Variants in FCHO2 observed in about 807,000 individuals in gnomAD.
FCHO2 encodes FCH and mu domain containing endocytic adaptor 2.
FCHO2 carries 43 observed loss-of-function variants against 114.1 expected under a neutral mutation model. That is an observed-to-expected ratio of 0.38 (90% confidence interval 0.30 to 0.49). The LOEUF is 0.49. FCHO2 is among the 20% of genes least tolerant of loss of function. FCHO2 has a pLI of 0.97. For synonymous variants in FCHO2, 293 were observed against 315.2 expected (o/e 0.93, Z 0.75); for missense variants, 807 against 950.4 (o/e 0.85, Z 1.98).
chr5:73,021,060 C>G, intron 8 of FCHO2: 1 of 934,730 alleles, frequency 1.1e-6, no homozygotes, highest in Non-Finnish European at 1.8e-6. Context: ...TTACCTGGTC[C>G]TCTCCCTCTG....
intron 5 of FCHO2, chr5:72,997,205 A>G: frequency 3.5e-6 from 4 of 1,135,010 alleles, no homozygotes; most frequent in Middle Eastern, 2.4e-4. Flanking sequence ...CAAGGTGGTA[A>G]TAGACAAACA....
At chr5:72,968,426 T>G in intron 1 of FCHO2, 72 bp from the exon 2 acceptor site, 1 of 1,055,482 alleles carries the variant, frequency 9.5e-7, no homozygotes, top group Non-Finnish European at 1.3e-6. Context: ...TATTAGTTAA[T>G]GTTGGCTTTT....
At chr5:72,998,784 A>G (rs1041943286) in intron 5 of FCHO2, among the ~76,000 whole-genome samples, 2 of 151,610 alleles carry the variant, frequency 1.3e-5, no homozygotes, top group African/African-American at 4.8e-5. Context: ...CATGTAAACC[A>G]AAACAAGTTT....
chr5:73,037,322 A>G lies in FCHO2; in HGVS notation c.914+107A>G, dbSNP rs147499426. The stretch of plus-strand genomic sequence containing the variant: ...AGTATTTTGGAAATAACTCAAAAGT[A>G]TATGTGTAAGGTGTGAAAAACAAGC... On this transcript the variant is annotated intron_variant, in intron 10 of 25. Coordinates refer to ENST00000430046, the MANE Select transcript of FCHO2 (RefSeq NM_138782.3). 9.1e-4 allele frequency: 633 copies of G among 693,660 alleles called. 7 individuals are homozygous for G. The African/African-American group carries it at 9.9e-3, about 11-fold the overall frequency. The allele number at this position is 693,660 out of a possible 1,614,324, so 43.0% of individuals were successfully genotyped here. A position where few individuals can be genotyped will look rare whatever the true frequency, so the allele number is the denominator to read the frequency against.
intron 2 of FCHO2, among the ~76,000 whole-genome samples, chr5:72,986,916 G>C (rs1389701450): frequency 2.9e-5 from 4 of 137,440 alleles, no homozygotes; most frequent in African/African-American, 8.3e-5. Context: ...GTCTCACTCT[G>C]TCGCCCAGCT....
At chr5:73,070,825 T>C (rs1011626187) in intron 19 of FCHO2, among the ~76,000 whole-genome samples, 2 of 152,054 alleles carry the variant, frequency 1.3e-5, no homozygotes, top group African/African-American at 4.8e-5. Flanking sequence ...TGGATTTAAG[T>C]TTCTGATTCT....
intron 18 of FCHO2, among the ~76,000 whole-genome samples, chr5:73,065,775 G>A (rs1742288489): frequency 6.6e-6 from 1 of 151,934 alleles, no homozygotes; most frequent in Non-Finnish European, 1.5e-5. Context: ...GGATACAAGT[G>A]CAGATTTCTT....
Position 73,077,478 on chromosome 5 carries a change from C to G in FCHO2, c.1832C>G (p.Ala611Gly). Reference protein sequence around the residue: ...ISRLEQILPNAQLVFSDPSQC... With the variant: ...ISRLEQILPNGQLVFSDPSQC... ...AGACTAGAGCAGATTCTTCCAAATG[C>G]ACAGCTTGTGTTCAGGTTTGTGTAC... is the stretch of plus-strand genomic sequence containing the variant. The change falls in exon 21 of 26, where the codon GCA becomes GGA. Residue 611 changes from alanine (A) to glycine (G), a missense_variant. Ala to Gly is a moderately conservative substitution (Grantham distance 60, BLOSUM62 0). Transcript: ENST00000430046. The G allele has an allele frequency of 6.3e-7, 1 of 1,599,476 alleles. No individual in the cohort carries two copies. The highest frequency in any genetic ancestry group is 1.3e-5 in the African/African-American group (1 of 74,828).
rs1254922382 is a variant in FCHO2 at position 72,996,595 on chromosome 5, C to G, written c.495+5731C>G. Among the ~76,000 whole-genome samples the G allele has an allele frequency of 2.6e-5, 4 of 151,436 alleles. No individual in the cohort carries two copies. In the East Asian group the frequency reaches 7.8e-4, roughly 30 times the overall value. ...TCCCCTTCCCCAATTAATCCTTCCCCTTCCCTCCTGGTCTCGGAGGACCCA... is the reference window on the plus strand; with the variant it reads ...TCCCCTTCCCCAATTAATCCTTCCCGTTCCCTCCTGGTCTCGGAGGACCCA... On this transcript the variant is annotated intron_variant, in intron 5 of 25. Coordinates refer to ENST00000430046, the MANE Select transcript of FCHO2 (RefSeq NM_138782.3).
chr5:73,074,420 A>G (rs941499235), intron 19 of FCHO2, among the ~76,000 whole-genome samples: 33 of 152,086 alleles, frequency 2.2e-4, no homozygotes, highest in Non-Finnish European at 1.5e-5. Flanking sequence ...GGAATTTGGT[A>G]TTTGAATGTT....
intron 22 of FCHO2, 24 bp downstream of exon 22, chr5:73,078,336 A>T (rs1224143070): frequency 6.4e-7 from 1 of 1,557,330 alleles, no homozygotes; most frequent in Non-Finnish European, 8.7e-7. Context: ...CATTGCAAAA[A>T]TTCTAAATTA....
intron 10 of FCHO2, among the ~76,000 whole-genome samples, chr5:73,040,082 C>T (rs1391073452): frequency 1.3e-5 from 2 of 151,892 alleles, no homozygotes; most frequent in African/African-American, 4.8e-5. Flanking sequence ...TCCTATTTTC[C>T]TTTAAGAAAA....
intron 6 of FCHO2, among the ~76,000 whole-genome samples, chr5:73,009,246 T>G (rs1754871656): frequency 1.3e-5 from 2 of 152,224 alleles, no homozygotes; most frequent in Non-Finnish European, 2.9e-5. Context: ...CAAGTGCTGT[T>G]TTGTCTTTTA....
chr5:73,058,609 TTAA>T, intron 17 of FCHO2, 85 bp downstream of exon 17: 1 of 555,076 alleles, frequency 1.8e-6, no homozygotes, highest in Non-Finnish European at 2.8e-6. Context: ...TGCATTGTAC[TTAA>T]TGATCAAAAT....
In FCHO2 at chr5:72,995,341, C is replaced by T. The variant is rs138721431; in HGVS notation, c.495+4477C>T. Among the ~76,000 whole-genome samples the T allele has an allele frequency of 3.6e-3, 543 of 151,878 alleles. 5 individuals are homozygous for T. The highest frequency in any genetic ancestry group is 0.013 in the African/African-American group (528 of 41,426). Reference sequence around the variant, plus strand: ...CCGCATCTCAGCTCACTGCAACCTCCGCCTCCCGAGTTCAAGCAATTCTGG... The same window carrying T: ...CCGCATCTCAGCTCACTGCAACCTCTGCCTCCCGAGTTCAAGCAATTCTGG... On this transcript the variant is annotated intron_variant, in intron 5 of 25. Transcript: ENST00000430046.
Position 72,990,689 on chromosome 5 carries a change from A to G in FCHO2, c.343-23A>G, listed in dbSNP as rs764541289. On this transcript the variant is annotated intron_variant, in intron 4 of 25. Coordinates refer to ENST00000430046, the MANE Select transcript of FCHO2 (RefSeq NM_138782.3). ...AATACTTTATAGTTCAGTCATTTTG[A>G]TGGATCATTTCATACTAAACAGACT... 1.1e-5 allele frequency: 17 copies of G among 1,539,076 alleles called. No homozygotes were observed. The South Asian group carries it at 1.9e-4, about 17-fold the overall frequency.
chr5:72,971,385 T>C (rs1023879870), intron 2 of FCHO2, among the ~76,000 whole-genome samples: 15 of 152,188 alleles, frequency 9.9e-5, no homozygotes, highest in African/African-American at 2.7e-4. Context: ...TTTTTAATGA[T>C]TGCCATTCTA....
intron 5 of FCHO2, among the ~76,000 whole-genome samples, chr5:72,995,831 G>A (rs1754062723): frequency 6.6e-6 from 1 of 152,054 alleles, no homozygotes; most frequent in Non-Finnish European, 1.5e-5. Flanking sequence ...GAGCCTTCAT[G>A]ACCGACTCAT....
In FCHO2 at chr5:73,078,573, TAAC is replaced by T. The variant is rs1490430494; in HGVS notation, c.1980+264_1980+266del. Among the ~76,000 whole-genome samples, 3 of 152,328 alleles carry T rather than the reference TAAC, an allele frequency of 2.0e-5. No homozygotes were observed. In the South Asian group the frequency reaches 6.2e-4, roughly 32 times the overall value. The stretch of plus-strand genomic sequence containing the variant: ...CTGAAAAGACTAGCAGTATCAGTCT[TAAC>T]AATGAAACTCCCAAAGTAATCAATT... On this transcript the variant is annotated intron_variant, in intron 22 of 25. Coordinates refer to ENST00000430046, the MANE Select transcript of FCHO2 (RefSeq NM_138782.3).
Sources: allele counts gnomAD v4.1 joint callset (sites outside exome capture counted in the v4.1 genomes callset), GRCh38; gene constraint gnomAD v4.1.1; transcripts MANE v1.5; gene names NCBI Gene and HGNC (gene_info 2026-07-23, HGNC 2026-07-21).